Variants in ARHGEF6 observed in about 807,000 individuals in gnomAD.
ARHGEF6 encodes Rac/Cdc42 guanine nucleotide exchange factor 6.
In ARHGEF6, 9 loss-of-function variants were observed where a neutral mutation model predicts 70.3. That is an observed-to-expected ratio of 0.13 (90% CI 0.08 to 0.22). The LOEUF (loss-of-function observed/expected upper bound fraction) is 0.22. Ranked by LOEUF, ARHGEF6 falls within the 10% of genes least tolerant of loss-of-function variation. The pLI, the probability that ARHGEF6 is intolerant of heterozygous loss-of-function variation, is 1.00. For synonymous variants in ARHGEF6, 201 were observed against 207.8 expected (o/e 0.97, Z 0.28); for missense variants, 470 against 563.0 (o/e 0.83, Z 1.67).
At chrX:136,746,670 C>T (rs2077098038) in intron 3 of ARHGEF6, among the ~76,000 whole-genome samples, 1 of 111,833 alleles carries the variant, frequency 8.9e-6, no homozygotes, top group South Asian at 3.7e-4. Context: ...CAGCAAGCCT[C>T]GTGCTTGGGC....
chrX:136,770,899 A>G (rs1434183014), intron 2 of ARHGEF6, among the ~76,000 whole-genome samples: 1 of 112,113 alleles, frequency 8.9e-6, no homozygotes, highest in East Asian at 2.8e-4. Flanking sequence ...CAGGTGGCTG[A>G]GGTAGGACAA....
In ARHGEF6 at chrX:136,759,487, G is replaced by A. The variant is rs192356972; in HGVS notation, c.250-11895C>T. ...AAACTAAAAATACAAAAAATTAGCC[G>A]GACATAGTGGCACATGACTGTAATC... On this transcript the variant is annotated intron_variant, in intron 2 of 21. Coordinates refer to ENST00000250617, the MANE Select transcript of ARHGEF6 (RefSeq NM_004840.3). 2.0e-3 allele frequency among the ~76,000 whole-genome samples: 224 copies of A among 110,598 alleles called. 1 individual carries two copies. Among genetic ancestry groups the A allele is most frequent in the Non-Finnish European group, 1.8e-3 (95 of 52,865 alleles).
chrX:136,675,712 A>G (rs905665657), intron 18 of ARHGEF6, among the ~76,000 whole-genome samples: 2 of 109,335 alleles, frequency 1.8e-5, no homozygotes, highest in Non-Finnish European at 3.8e-5. Flanking sequence ...AGTAGAGACG[A>G]GGTTTCACCA....
At chrX:136,701,906 G>C (rs1039126550) in intron 9 of ARHGEF6, among the ~76,000 whole-genome samples, 17 of 108,877 alleles carry the variant, frequency 1.6e-4, no homozygotes, top group Non-Finnish European at 3.1e-4. Flanking sequence ...ACAGGGTTTC[G>C]CTGTGTTAGC....
intron 3 of ARHGEF6, 33 bp downstream of exon 3, chrX:136,747,475 A>G (rs1166177106): frequency 8.6e-6 from 10 of 1,159,771 alleles, no homozygotes; most frequent in East Asian, 3.0e-5. Flanking sequence ...CAAAAATGTC[A>G]CCCAGAACAT....
intron 2 of ARHGEF6, among the ~76,000 whole-genome samples, chrX:136,754,601 GAAAGA>G (rs2077186974): frequency 1.0e-5 from 1 of 99,169 alleles, no homozygotes; most frequent in Non-Finnish European, 2.0e-5. Flanking sequence ...AAAAAACAAC[GAAAGA>G]AAAGAAAAGA....
chrX:136,753,736 G>C (rs772244139), intron 2 of ARHGEF6, among the ~76,000 whole-genome samples: 1 of 112,326 alleles, frequency 8.9e-6, no homozygotes, highest in African/African-American at 3.2e-5. Flanking sequence ...GAAATGTGTT[G>C]AGTACTACAG....
At chrX:136,719,285 C>T (rs1211510751) in intron 6 of ARHGEF6, among the ~76,000 whole-genome samples, 2 of 111,005 alleles carry the variant, frequency 1.8e-5, no homozygotes, top group Non-Finnish European at 3.8e-5. Flanking sequence ...TCCATAAAAC[C>T]CACCTTAGCA....
chrX:136,700,769 T>C (rs2076563243), intron 9 of ARHGEF6, among the ~76,000 whole-genome samples: 1 of 112,051 alleles, frequency 8.9e-6, no homozygotes, highest in South Asian at 3.7e-4. Context: ...AAAAACAGTC[T>C]GAGGAGACAA....
intron 5 of ARHGEF6, among the ~76,000 whole-genome samples, chrX:136,733,900 G>T (rs1027552322): frequency 8.9e-6 from 1 of 112,065 alleles, no homozygotes; most frequent in African/African-American, 3.2e-5. Context: ...GCATGGGCAG[G>T]GGTTCCTGCT....
intron 5 of ARHGEF6, among the ~76,000 whole-genome samples, chrX:136,732,537 T>C (rs1349812287): frequency 1.8e-5 from 2 of 112,629 alleles, no homozygotes; most frequent in East Asian, 5.5e-4. Flanking sequence ...CACCAACTTA[T>C]GATGGTTCAA....
At chrX:136,745,114 T>G in intron 4 of ARHGEF6, 109 bp downstream of exon 4, 1 of 1,029,295 alleles carries the variant, frequency 9.7e-7, no homozygotes, top group South Asian at 1.9e-5. Flanking sequence ...TTCTCAGTGA[T>G]GCCCAAAACA....
At chrX:136,680,587 G>A in intron 15 of ARHGEF6, 144 bp downstream of exon 15, 10 of 662,433 alleles carry the variant, frequency 1.5e-5, no homozygotes, top group Non-Finnish European at 2.4e-5. Context: ...ATCAGAATGA[G>A]TGAGGTTTAA....
At position 136,755,060 on chromosome X, in the gene ARHGEF6, C is replaced by T. The variant is rs768855196; in HGVS notation, c.250-7468G>A. Among the ~76,000 whole-genome samples, 3 of 112,475 alleles carry T rather than the reference C, an allele frequency of 2.7e-5. No homozygotes were observed. The South Asian group carries it at 1.1e-3, about 41-fold the overall frequency. On this transcript the variant is annotated intron_variant, in intron 2 of 21. Coordinates refer to ENST00000250617, the MANE Select transcript of ARHGEF6 (RefSeq NM_004840.3). Reference sequence around the variant, plus strand: ...CTTAGCCTCTGTGAGTTCTATAGTTCAGCCACATTAAGTATTCAACAGGCT... The same window carrying T: ...CTTAGCCTCTGTGAGTTCTATAGTTTAGCCACATTAAGTATTCAACAGGCT...
chrX:136,688,856 G>C (rs1414936372), intron 10 of ARHGEF6, among the ~76,000 whole-genome samples: 2 of 111,893 alleles, frequency 1.8e-5, no homozygotes, highest in Non-Finnish European at 3.8e-5. Flanking sequence ...TTGCAATTCC[G>C]AAAGTGGACA....
intron 2 of ARHGEF6, among the ~76,000 whole-genome samples, chrX:136,759,540 G>A (rs1186316472): frequency 1.9e-5 from 2 of 107,862 alleles, no homozygotes; most frequent in Admixed American, 2.0e-4. Flanking sequence ...TGAGGCAGGA[G>A]AATCGCTTGA....
In ARHGEF6 at chrX:136,712,902, A is replaced by G. The variant is rs774309440; in HGVS notation, c.827+374T>C. The stretch of plus-strand genomic sequence containing the variant: ...CATGGGAAAGAAGTTCTGCCCTGGC[A>G]AACAAAGGTCAGAGTGAGCATGAGA... On this transcript the variant is annotated intron_variant, in intron 7 of 21. Transcript: ENST00000250617. Among the ~76,000 whole-genome samples, 5 of 112,425 alleles carry G rather than the reference A, an allele frequency of 4.4e-5. No individual in the cohort carries two copies. The East Asian group carries it at 1.1e-3, about 25-fold the overall frequency.
chrX:136,676,612 C>A lies in ARHGEF6; in HGVS notation c.1945+12G>T. ...ATCCATAAACAACTTTCAGAAAGTACAAAACACATACTTTTCCTAATCACA... is the reference window on the plus strand; with the variant it reads ...ATCCATAAACAACTTTCAGAAAGTAAAAAACACATACTTTTCCTAATCACA... On this transcript the variant is annotated intron_variant, in intron 18 of 21. Coordinates refer to ENST00000250617, the MANE Select transcript of ARHGEF6 (RefSeq NM_004840.3). 8.6e-7 allele frequency: 1 copy of A among 1,161,060 alleles called. No individual in the cohort carries two copies. Among genetic ancestry groups the A allele is most frequent in the Non-Finnish European group, 1.2e-6 (1 of 849,521 alleles).
intron 2 of ARHGEF6, among the ~76,000 whole-genome samples, chrX:136,775,401 T>C (rs910539915): frequency 1.8e-5 from 2 of 111,800 alleles, no homozygotes; most frequent in Admixed American, 1.9e-4. Flanking sequence ...CACATGCAAG[T>C]CAATAAATGT....
Sources: allele counts gnomAD v4.1 joint callset (sites outside exome capture counted in the v4.1 genomes callset), GRCh38; gene constraint gnomAD v4.1.1; transcripts MANE v1.5; gene names NCBI Gene and HGNC (gene_info 2026-07-23, HGNC 2026-07-21).